CRYGS: variants seen among roughly 807,000 people sequenced by gnomAD.
The protein encoded by CRYGS is gamma-crystallin S.
In CRYGS, 13 loss-of-function variants were observed where a neutral mutation model predicts 21.3. The ratio of observed to expected loss-of-function variants is 0.61; its 90% CI spans 0.40 to 0.97. The LOEUF is 0.97. CRYGS is among the 50% of genes least tolerant of loss of function. CRYGS has a pLI of 0.00. For synonymous variants in CRYGS, 67 were observed against 75.0 expected (o/e 0.89, Z 0.55); for missense variants, 205 against 229.7 (o/e 0.89, Z 0.69).
chr3:186,539,845 G>A, intron 1 of CRYGS: 2 of 462,758 alleles, frequency 4.3e-6, no homozygotes, highest in Non-Finnish European at 4.0e-6. Flanking sequence ...GAAGTGAGCA[G>A]TCTCAGACTC....
chr3:186,538,916 CCA>C lies in CRYGS; in HGVS notation c.315_316del (p.Ser105ArgfsTer5). 6.2e-7 allele frequency: 1 copy of C among 1,614,046 alleles called. No individual in the cohort carries two copies. Among genetic ancestry groups the C allele is most frequent in the Non-Finnish European group, 8.5e-7 (1 of 1,179,976 alleles). Reference sequence around the variant, plus strand: ...ATCTTCGGTGGTTTCATACATCTGACCACTAAAATCCCCTTTCTCAAAGATCT... The same window carrying C: ...ATCTTCGGTGGTTTCATACATCTGACCTAAAATCCCCTTTCTCAAAGATCT... On this transcript the variant is annotated frameshift_variant, in exon 3 of 3. Coordinates refer to ENST00000307944, the MANE Select transcript of CRYGS (RefSeq NM_017541.4). LOFTEE classifies it high-confidence loss of function.
Position 186,539,359 on chromosome 3 carries a change from T to C in CRYGS, c.260A>G (p.His87Arg), listed in dbSNP as rs771128011. ...GTACACAGTCCCCAGACTCACCAGA[T>C]GAACAGCTCTGCAGGAGCTGAGGCG... ...NDRLSSCRAV[H>R]LPSGGQYKIQ... Residue 87 changes from histidine to arginine, a missense_variant, in exon 2 of 3, where the codon CAT becomes CGT. His to Arg is a conservative substitution (Grantham distance 29). Transcript: ENST00000307944. The C allele has an allele frequency of 1.9e-6, 3 of 1,612,058 alleles. No homozygotes were observed. The East Asian group carries it at 6.7e-5, about 36-fold the overall frequency.
intron 2 of CRYGS, 56 bp downstream of exon 2, chr3:186,539,299 G>A: frequency 6.2e-7 from 1 of 1,610,202 alleles, no homozygotes; most frequent in South Asian, 1.1e-5. Flanking sequence ...CTAAAAGCAA[G>A]AGAAAGCGGA....
rs1439894080 is a variant in CRYGS, at chr3:186,539,835, G to A, written c.22-238C>T. ...AGCAAAACAGAAGAGGGCTCTAATA[G>A]AAGTGAGCAGTCTCAGACTCAAGTT... On this transcript the variant is annotated intron_variant, in intron 1 of 2. Coordinates refer to ENST00000307944, the MANE Select transcript of CRYGS (RefSeq NM_017541.4). 8.2e-6 allele frequency: 4 copies of A among 486,122 alleles called. No homozygotes were observed. In the East Asian group the frequency reaches 1.6e-4, roughly 19 times the overall value. 30.1% of individuals were successfully genotyped at this position (486,122 alleles called of 1,614,324 possible). A position where few individuals can be genotyped will look rare whatever the true frequency, so the allele number is the denominator to read the frequency against.
Position 186,538,571 on chromosome 3 carries a change from AT to A in CRYGS, c.*124del. 5 of 1,262,836 alleles carry A rather than the reference AT, an allele frequency of 4.0e-6. No individual in the cohort carries two copies. The South Asian group carries it at 6.4e-5, about 16-fold the overall frequency. The allele number at this position is 1,262,836 out of a possible 1,614,324, so 78.2% of individuals were successfully genotyped here. A position where few individuals can be genotyped will look rare whatever the true frequency, so the allele number is the denominator to read the frequency against. On this transcript the variant is annotated 3_prime_UTR_variant, in exon 3 of 3. Transcript: ENST00000307944. Reference sequence around the variant, plus strand: ...CACTGTATTGCTGGTCCCTAGAAGCATTTAAGGAGAGGCATTATAGTCAGCA... The same window carrying A: ...CACTGTATTGCTGGTCCCTAGAAGCATTAAGGAGAGGCATTATAGTCAGCA...
chr3:186,539,741 C>A (rs1714015509), intron 1 of CRYGS, 144 bp from the exon 2 acceptor site: 1 of 940,732 alleles, frequency 1.1e-6, no homozygotes, highest in South Asian at 1.7e-5. Context: ...CACCTTACAA[C>A]ATTGCTTTCT....
At position 186,539,521 on chromosome 3, in the gene CRYGS, T is replaced by A. The variant is rs1338000430; in HGVS notation, c.98A>T (p.Tyr33Phe). 6.2e-7 allele frequency: 1 copy of A among 1,613,828 alleles called. No homozygotes were observed. Among genetic ancestry groups the A allele is most frequent in the South Asian group, 1.1e-5 (1 of 91,062 alleles). Residue 33 changes from tyrosine to phenylalanine, a missense_variant, in exon 2 of 3, where the codon TAC (tyrosine) becomes TTC (phenylalanine). By Grantham distance (22) the Tyr-to-Phe change is conservative. Coordinates refer to ENST00000307944, the MANE Select transcript of CRYGS (RefSeq NM_017541.4). ...CDCDCADFHT[Y>F]LSRCNSIKVE... ...TTTAATGGAGTTGCAGCGACTTAGG[T>A]ATGTGTGGAAATCTGCACAGTCGCA...
intron 1 of CRYGS, among the ~76,000 whole-genome samples, chr3:186,542,870 A>G (rs567833202): frequency 6.6e-6 from 1 of 152,188 alleles, no homozygotes; most frequent in East Asian, 1.9e-4. Context: ...TTTTAGTGGG[A>G]TTTGCATGGT....
chr3:186,541,832 G>A (rs537895682), intron 1 of CRYGS, among the ~76,000 whole-genome samples: 22 of 152,270 alleles, frequency 1.4e-4, no homozygotes, highest in East Asian at 7.7e-4. Flanking sequence ...AGTTAGCTTC[G>A]TTTAACATGG....
At position 186,539,513 on chromosome 3, in the gene CRYGS, G is replaced by A. The variant is rs772949005; in HGVS notation, c.106C>T (p.Arg36Cys). Residue 36 changes from arginine (R) to cysteine (C), a missense_variant, in exon 2 of 3, where the codon CGC becomes TGC. Physicochemically the swap from Arg to Cys is radical, Grantham distance 180 (BLOSUM62 -3). Coordinates refer to ENST00000307944, the MANE Select transcript of CRYGS (RefSeq NM_017541.4). ...CCTTCCACTTTAATGGAGTTGCAGC[G>A]ACTTAGGTATGTGTGGAAATCTGCA... is the stretch of plus-strand genomic sequence containing the variant. Reference protein sequence around the residue: ...DCADFHTYLSRCNSIKVEGGT... With the variant: ...DCADFHTYLSCCNSIKVEGGT... 1.1e-5 allele frequency: 18 copies of A among 1,613,832 alleles called. No individual in the cohort carries two copies. The highest frequency in any genetic ancestry group is 3.3e-5 in the South Asian group (3 of 91,050).
intron 1 of CRYGS, among the ~76,000 whole-genome samples, chr3:186,542,055 G>A (rs79585047): frequency 6.6e-6 from 1 of 152,222 alleles, no homozygotes; most frequent in Admixed American, 6.5e-5. Flanking sequence ...TATGGGAAAT[G>A]AAGTTAATAA....
At chr3:186,539,258 A>T in intron 2 of CRYGS, 97 bp downstream of exon 2, 2 of 1,534,958 alleles carry the variant, frequency 1.3e-6, no homozygotes, top group Non-Finnish European at 1.8e-6. Context: ...CTACTCATTA[A>T]GAGGTAGAGA....
chr3:186,540,795 G>A (rs1200729843), intron 1 of CRYGS: 1 of 726,424 alleles, frequency 1.4e-6, no homozygotes. Context: ...TCTTTGAGCT[G>A]AGCATTGAAG....
rs1210562417 is a variant in CRYGS, at chr3:186,544,357, TGAAA to T, written c.-35_-32del. ...GTGCATAGACTGGTTTTCCCAGTGC[TGAAA>T]GAAATTCAGGAATGGCTACAGAGAG... is the stretch of plus-strand genomic sequence containing the variant. On this transcript the variant is annotated 5_prime_UTR_variant, in exon 1 of 3. Transcript: ENST00000307944. The T allele has an allele frequency of 6.5e-7, 1 of 1,541,618 alleles. No individual in the cohort carries two copies. Among genetic ancestry groups the T allele is most frequent in the African/African-American group, 1.4e-5 (1 of 73,432 alleles).
At chr3:186,539,833 T>C (rs962773837) in intron 1 of CRYGS, 3 of 491,546 alleles carry the variant, frequency 6.1e-6, no homozygotes, top group Non-Finnish European at 1.1e-5. Flanking sequence ...AGGGCTCTAA[T>C]AGAAGTGAGC....
At position 186,538,727 on chromosome 3, in the gene CRYGS, G is replaced by T; in HGVS notation, c.506C>A (p.Ala169Asp). The change falls in exon 3 of 3, where the codon GCT becomes GAT. Residue 169 changes from alanine (A) to aspartate (D), a missense_variant. Coordinates refer to ENST00000307944, the MANE Select transcript of CRYGS (RefSeq NM_017541.4). ...KPIDWGAASPAVQSFRRIVE is the reference protein window; with the variant it reads ...KPIDWGAASPDVQSFRRIVE ...CACAATGCGGCGGAAAGACTGGACA[G>T]CTGGGGAGGCTGCACCCCAATCGAT... is the stretch of plus-strand genomic sequence containing the variant. 1 of 1,614,200 alleles carries T rather than the reference G, an allele frequency of 6.2e-7. No homozygotes were observed. The highest frequency in any genetic ancestry group is 1.1e-5 in the South Asian group (1 of 91,090).
chr3:186,541,871 A>C (rs1714076499), intron 1 of CRYGS, among the ~76,000 whole-genome samples: 1 of 152,242 alleles, frequency 6.6e-6, no homozygotes, highest in African/African-American at 2.4e-5. Context: ...ACAATGACCA[A>C]GGCTGGGCCT....
At position 186,539,580 on chromosome 3, in the gene CRYGS, G is replaced by A. The variant is rs147971015; in HGVS notation, c.39C>T (p.Asp13=). ...CATAGCGACGGCCTTGAAAATTTTT[G>A]TCTTCATAGAAAGTAATCTGAAGTA... ...KTGTKITFYE[D]KNFQGRRYDC... is the part of the protein sequence containing the mutation. Residue 13 remains aspartate, a synonymous_variant, in exon 2 of 3, where the codon GAC becomes GAT. Coordinates refer to ENST00000307944, the MANE Select transcript of CRYGS (RefSeq NM_017541.4). The A allele has an allele frequency of 1.9e-6, 3 of 1,613,874 alleles. No homozygotes were observed. Among genetic ancestry groups the A allele is most frequent in the Non-Finnish European group, 2.5e-6 (3 of 1,179,908 alleles).
At chr3:186,541,133 T>C (rs1398853575) in intron 1 of CRYGS, among the ~76,000 whole-genome samples, 1 of 152,108 alleles carries the variant, frequency 6.6e-6, no homozygotes, top group African/African-American at 2.4e-5. Flanking sequence ...ACTTCAGGAT[T>C]TGGTGACTAA....
Sources: gnomAD v4.1 joint callset for allele counts (sites outside exome capture counted in the v4.1 genomes callset) on GRCh38, gnomAD v4.1.1 for gene constraint, MANE v1.5 for transcripts, NCBI Gene and HGNC (gene_info 2026-07-23, HGNC 2026-07-21) for gene names.